SSUH2: variants seen among roughly 807,000 people sequenced by gnomAD.
SSUH2 encodes the protein ssu-2 homolog, also known as protein SSUH2 homolog.
Under a neutral mutation model 55.3 loss-of-function variants are expected in SSUH2, and 47 were observed. The ratio of observed to expected loss-of-function variants is 0.85; its 90% CI spans 0.67 to 1.08. The LOEUF is 1.08. SSUH2 is among the 50% of genes least tolerant of loss of function. SSUH2 has a pLI of 0.00. For missense variants in SSUH2, 535 were observed against 490.7 expected, an observed-to-expected ratio of 1.09 and a Z score of -0.85; for synonymous variants, 212 against 191.5, an observed-to-expected ratio of 1.11 and a Z score of -0.89.
intron 11 of SSUH2, 112 bp downstream of exon 11, chr3:8,623,437 G>T (rs1376154207): frequency 1.4e-6 from 1 of 718,412 alleles, no homozygotes; most frequent in South Asian, 1.6e-5. Flanking sequence ...CCTCCCCCGG[G>T]ACCTCCCTCA....
upstream of SSUH2, among the ~76,000 whole-genome samples, chr3:8,645,474 C>T (rs932559233): frequency 2.0e-5 from 3 of 152,152 alleles, no homozygotes; most frequent in African/African-American, 7.2e-5. Flanking sequence ...AGTTTGACAC[C>T]CCTTCAACCT....
intron 5 of SSUH2, among the ~76,000 whole-genome samples, chr3:8,666,172 A>G (rs546911073): frequency 2.3e-4 from 35 of 152,336 alleles, no homozygotes; most frequent in African/African-American, 8.4e-4. Context: ...TTGCAGACAT[A>G]TTAGAAGAAA....
At chr3:8,648,756 A>G (rs143860485), upstream of SSUH2, among the ~76,000 whole-genome samples, 23 of 152,246 alleles carry the variant, frequency 1.5e-4, no homozygotes, top group East Asian at 3.7e-3. Flanking sequence ...AGGTGGGGAA[A>G]TGATTAAACA....
chr3:8,674,376 G>A (rs1281697521), intron 3 of SSUH2, among the ~76,000 whole-genome samples: 1 of 152,220 alleles, frequency 6.6e-6, no homozygotes, highest in African/African-American at 2.4e-5. Context: ...CAAGGAGGAA[G>A]GGGCCCGGCT....
At chr3:8,629,963 TGTTCTGG>T (rs1698432572) in intron 6 of SSUH2, among the ~76,000 whole-genome samples, 1 of 152,178 alleles carries the variant, frequency 6.6e-6, no homozygotes, top group Non-Finnish European at 1.5e-5. Context: ...AGGGGAGACG[TGTTCTGG>T]GAGCCCCATA....
rs79605644 is a variant in SSUH2 at position 8,678,743 on chromosome 3, A to C, written c.-901+962T>G. 9.1e-3 allele frequency among the ~76,000 whole-genome samples: 150 copies of C among 16,492 alleles called. 3 individuals are homozygous for C. Among genetic ancestry groups the C allele is most frequent in the East Asian group, 0.032 (6 of 188 alleles). The allele number at this position is 16,492 out of a possible 152,430, so 10.8% of individuals were successfully genotyped here. A position where few individuals can be genotyped will look rare whatever the true frequency, so the allele number is the denominator to read the frequency against. On this transcript the variant is annotated intron_variant, in intron 2 of 18. Coordinates refer to the SSUH2 transcript ENST00000317371. Reference sequence around the variant, plus strand: ...CCAACGTGGGGGGGGGAGGCACCACACGCGAGGCGGGGAAAGAGAGCCAGC... The same window carrying C: ...CCAACGTGGGGGGGGGAGGCACCACCCGCGAGGCGGGGAAAGAGAGCCAGC...
At chr3:8,631,335 A>T (rs1176351411) in intron 5 of SSUH2, among the ~76,000 whole-genome samples, 1 of 152,172 alleles carries the variant, frequency 6.6e-6, no homozygotes, top group African/African-American at 2.4e-5. Flanking sequence ...AATTGTCACC[A>T]TTATCATCAC....
chr3:8,668,355 C>G (rs1052599198), intron 5 of SSUH2, among the ~76,000 whole-genome samples: 1 of 152,212 alleles, frequency 6.6e-6, no homozygotes, highest in Admixed American at 6.5e-5. Context: ...CTGAGATGCT[C>G]TTATGGAGTT....
chr3:8,670,973 T>A (rs1039054709), intron 5 of SSUH2: 1 of 412,244 alleles, frequency 2.4e-6, no homozygotes, highest in Non-Finnish European at 5.1e-6. Flanking sequence ...CCCGAGGATA[T>A]AACGAATAAT....
chr3:8,671,113 G>A (rs62244201), exon 5 of SSUH2: 23,649 of 257,664 alleles, frequency 0.092, 2,020 homozygotes, highest in African/African-American at 0.27. Context: ...GAATTTGATG[G>A]CAGGGTCTAC....
intron 5 of SSUH2, among the ~76,000 whole-genome samples, chr3:8,668,086 G>A (rs1209543520): frequency 6.6e-6 from 1 of 151,918 alleles, no homozygotes; most frequent in African/African-American, 2.4e-5. Context: ...GGGTCTCCAG[G>A]TGAAGCACCG....
At chr3:8,628,873 T>G (rs1698146095) in intron 7 of SSUH2, among the ~76,000 whole-genome samples, 1 of 151,314 alleles carries the variant, frequency 6.6e-6, no homozygotes, top group Non-Finnish European at 1.5e-5. Context: ...TTTGTTTTTT[T>G]GAGATGGAGT....
intron 5 of SSUH2, among the ~76,000 whole-genome samples, chr3:8,667,250 C>T (rs536044385): frequency 6.6e-6 from 1 of 152,308 alleles, no homozygotes; most frequent in Admixed American, 6.5e-5. Context: ...ATTCCTGGAA[C>T]TGAGGGTTCC....
chr3:8,631,045 G>T, intron 5 of SSUH2, 116 bp from the exon 6 acceptor site: 1 of 1,104,826 alleles, frequency 9.1e-7, no homozygotes, highest in African/African-American at 1.6e-5. Flanking sequence ...CTAGATCCTG[G>T]GGCTACAGGG....
chr3:8,633,679 T>C lies in SSUH2; in HGVS notation c.326A>G (p.Gln109Arg). ...GDLVIQELKR[Q>R]TLCRYRLETF... ...CTGGCCTCTCACCCTGCAGAGGGTCTGCCGCTTCAGCTCCTGGATGACGAG... is the reference window on the plus strand; with the variant it reads ...CTGGCCTCTCACCCTGCAGAGGGTCCGCCGCTTCAGCTCCTGGATGACGAG... The change falls in exon 4 of 12, where the codon CAG (glutamine) becomes CGG (arginine). Residue 109 changes from glutamine to arginine, a missense_variant. Gln to Arg is a conservative substitution (Grantham distance 43). Transcript: ENST00000544814. 1 of 1,526,358 alleles carries C rather than the reference T, an allele frequency of 6.6e-7. No individual in the cohort carries two copies. Among genetic ancestry groups the C allele is most frequent in the Non-Finnish European group, 8.8e-7 (1 of 1,138,516 alleles). 94.6% of individuals were successfully genotyped at this position (1,526,358 alleles called of 1,614,324 possible). A position where few individuals can be genotyped will look rare whatever the true frequency, so the allele number is the denominator to read the frequency against.
intron 5 of SSUH2, among the ~76,000 whole-genome samples, chr3:8,667,995 C>T (rs193041785): frequency 6.6e-6 from 1 of 152,052 alleles, no homozygotes; most frequent in African/African-American, 2.4e-5. Context: ...CCAGCCTGGG[C>T]AACATAACAA....
intron 7 of SSUH2, among the ~76,000 whole-genome samples, chr3:8,651,522 GA>G (rs1435337156): frequency 6.6e-6 from 1 of 152,160 alleles, no homozygotes; most frequent in East Asian, 1.9e-4. Context: ...CCCCAGAGGT[GA>G]AGTGACTCCT....
Position 8,629,654 on chromosome 3 carries a change from G to GATGACTCACCAGTGGTTCACAT in SSUH2, c.588+9_588+10insATGTGAACCACTGGTGAGTCAT. On this transcript the variant is annotated intron_variant, in intron 7 of 11. Coordinates refer to ENST00000544814, the MANE Select transcript of SSUH2 (RefSeq NM_001256748.3). ...CTCACTGACTCACCAGTGGTTCACA[G>GATGACTCACCAGTGGTTCACAT]ATGACTCACCGTGCCCGCCCCGTGG... The GATGACTCACCAGTGGTTCACAT allele has an allele frequency of 6.2e-7, 1 of 1,614,070 alleles. No individual in the cohort carries two copies. The highest frequency in any genetic ancestry group is 8.5e-7 in the Non-Finnish European group (1 of 1,179,954).
intron 7 of SSUH2, 51 bp from the exon 8 acceptor site, chr3:8,627,834 C>G (rs754891583): frequency 6.5e-7 from 1 of 1,528,732 alleles, no homozygotes; most frequent in Non-Finnish European, 8.9e-7. Context: ...GGAAGCAGGG[C>G]CAACGGCATC....
Sources: allele counts gnomAD v4.1 joint callset (sites outside exome capture counted in the v4.1 genomes callset), GRCh38; gene constraint gnomAD v4.1.1; transcripts MANE v1.5; gene names NCBI Gene and HGNC (gene_info 2026-07-23, HGNC 2026-07-21).